CDK8: variants seen among roughly 807,000 people sequenced by gnomAD.
CDK8 encodes the protein cyclin-dependent kinase 8.
A neutral mutation model predicts 71.5 loss-of-function variants in CDK8; 29 were observed. The ratio of observed to expected loss-of-function variants is 0.41; its 90% CI spans 0.30 to 0.55. The LOEUF (loss-of-function observed/expected upper bound fraction) is 0.55, where lower values mean the gene tolerates loss of function less well. Ranked by LOEUF, CDK8 falls within the 20% of genes least tolerant of loss-of-function variation. The pLI, the probability that CDK8 is intolerant of heterozygous loss-of-function variation, is 0.37. For synonymous variants in CDK8, 161 were observed against 192.1 expected (o/e 0.84, Z 1.34); for missense variants, 288 against 572.6 (o/e 0.50, Z 5.07).
intron 2 of CDK8, among the ~76,000 whole-genome samples, chr13:26,342,203 G>A (rs770255810): frequency 5.3e-5 from 8 of 152,160 alleles, no homozygotes; most frequent in Non-Finnish European, 7.4e-5. Context: ...GGCAGCCACC[G>A]CACCCAGCTG....
At chr13:26,313,875 A>G (rs192671365) in intron 1 of CDK8, among the ~76,000 whole-genome samples, 4 of 152,330 alleles carry the variant, frequency 2.6e-5, no homozygotes, top group African/African-American at 9.6e-5. Flanking sequence ...GGGATTTGAT[A>G]GAACTGAATA....
chr13:26,320,053 A>G (rs759262971), intron 1 of CDK8, among the ~76,000 whole-genome samples: 3 of 152,120 alleles, frequency 2.0e-5, no homozygotes, highest in Admixed American at 6.6e-5. Flanking sequence ...GCCTAACACC[A>G]TATACAAAAA....
chr13:26,256,050 G>T (rs1356301284), intron 1 of CDK8, among the ~76,000 whole-genome samples: 4 of 152,180 alleles, frequency 2.6e-5, no homozygotes, highest in Non-Finnish European at 5.9e-5. Flanking sequence ...AGGAAGATAG[G>T]AGTTCTAATT....
At chr13:26,365,725 A>G (rs939790415) in intron 4 of CDK8, among the ~76,000 whole-genome samples, 2 of 152,120 alleles carry the variant, frequency 1.3e-5, no homozygotes, top group Non-Finnish European at 2.9e-5. Context: ...CCATTTTTAT[A>G]AACAAAATAT....
At chr13:26,352,071 C>T (rs1023221616) in intron 3 of CDK8, among the ~76,000 whole-genome samples, 2 of 151,476 alleles carry the variant, frequency 1.3e-5, no homozygotes, top group African/African-American at 2.4e-5. Flanking sequence ...CTTACCTCTC[C>T]TACATATTTG....
rs370559954 is a variant in CDK8 at position 26,366,332 on chromosome 13, A to G, written c.456+12452A>G. Among the ~76,000 whole-genome samples the G allele has an allele frequency of 2.0e-4, 31 of 152,250 alleles. No individual in the cohort carries two copies. The East Asian group carries it at 4.8e-3, about 24-fold the overall frequency. ...AAAATCAGTTCAACCCAGAAGTTCA[A>G]GTTCTTGTGTACATTTTTATAAATT... On this transcript the variant is annotated intron_variant, in intron 4 of 12. Transcript: ENST00000381527.
At position 26,254,775 on chromosome 13, in the gene CDK8, T is replaced by C. The variant is rs1472119750; in HGVS notation, c.128+6T>C. The C allele has an allele frequency of 6.2e-7, 1 of 1,610,560 alleles. No individual in the cohort carries two copies. The highest frequency in any genetic ancestry group is 1.7e-5 in the Admixed American group (1 of 59,872). On this transcript the variant is annotated splice_donor_region_variant and intron_variant, in intron 1 of 12. Coordinates refer to ENST00000381527, the MANE Select transcript of CDK8 (RefSeq NM_001260.3). The surrounding 1 kb of genome is among the most constrained non-coding windows in gnomAD (Gnocchi z 6.7). ...AAAGCCAAGAGGAAAGATGGGTGAG[T>C]GTGTGTGTCTGGGCCGGTGTCCGCG...
At chr13:26,363,904 A>G (rs183664382) in intron 4 of CDK8, among the ~76,000 whole-genome samples, 4 of 152,316 alleles carry the variant, frequency 2.6e-5, no homozygotes, top group Admixed American at 6.5e-5. Flanking sequence ...AGCATGATGA[A>G]TTATTAAGGC....
At chr13:26,270,660 T>G (rs966864323) in intron 1 of CDK8, among the ~76,000 whole-genome samples, 3 of 152,186 alleles carry the variant, frequency 2.0e-5, no homozygotes, top group African/African-American at 7.2e-5. Context: ...TGTGACTGAC[T>G]TCCTTCACTT....
At chr13:26,340,724 G>T (rs1284744317) in intron 2 of CDK8, among the ~76,000 whole-genome samples, 2 of 152,142 alleles carry the variant, frequency 1.3e-5, no homozygotes, top group Middle Eastern at 6.8e-3. Flanking sequence ...ATGTAATTAC[G>T]AGGGGGTTCT....
intron 1 of CDK8, among the ~76,000 whole-genome samples, chr13:26,311,329 C>G (rs1874275839): frequency 6.8e-6 from 1 of 147,462 alleles, no homozygotes; most frequent in Non-Finnish European, 1.5e-5. Flanking sequence ...ACTTCTTTCT[C>G]TTTTCTTTCT....
chr13:26,356,591 T>A (rs1250168506), intron 4 of CDK8, among the ~76,000 whole-genome samples: 1 of 152,120 alleles, frequency 6.6e-6, no homozygotes, highest in African/African-American at 2.4e-5. Flanking sequence ...TGAAGAAAAA[T>A]CTCATTTACC....
At chr13:26,279,929 G>A (rs1177146149) in intron 1 of CDK8, among the ~76,000 whole-genome samples, 4 of 151,938 alleles carry the variant, frequency 2.6e-5, no homozygotes, top group Non-Finnish European at 5.9e-5. Context: ...CACATTGATC[G>A]TATGCTAAAA....
intron 1 of CDK8, among the ~76,000 whole-genome samples, chr13:26,301,171 G>A (rs986294248): frequency 1.4e-5 from 2 of 147,714 alleles, no homozygotes; most frequent in African/African-American, 5.0e-5. Flanking sequence ...TCTGAGCCTT[G>A]AATGGGGTTC....
intron 4 of CDK8, among the ~76,000 whole-genome samples, chr13:26,363,519 C>G (rs1593290046): frequency 6.6e-6 from 1 of 150,804 alleles, no homozygotes; most frequent in East Asian, 1.9e-4. Context: ...AAAAAATAAG[C>G]TTTTTTTTGT....
At position 26,293,208 on chromosome 13, in the gene CDK8, T is replaced by C. The variant is rs139994123; in HGVS notation, c.128+38439T>C. ...TTTTATTTCTGCTTTCATATGTATA[T>C]ATAATTTGTCATCTGAATGTTCTTT... On this transcript the variant is annotated intron_variant, in intron 1 of 12. Transcript: ENST00000381527. Among the ~76,000 whole-genome samples the C allele has an allele frequency of 5.9e-3, 903 of 152,350 alleles. 10 individuals carry two copies. Among genetic ancestry groups the C allele is most frequent in the African/African-American group, 0.021 (855 of 41,586 alleles).
intron 4 of CDK8, among the ~76,000 whole-genome samples, chr13:26,363,058 A>C (rs1874220397): frequency 6.6e-6 from 1 of 150,506 alleles, no homozygotes; most frequent in African/African-American, 2.4e-5. Flanking sequence ...AGTATTTCTC[A>C]CGCCTGTAAT....
chr13:26,361,152 A>G (rs1874120288), intron 4 of CDK8, among the ~76,000 whole-genome samples: 2 of 152,182 alleles, frequency 1.3e-5, no homozygotes, highest in African/African-American at 4.8e-5. Context: ...ATCATAGTTA[A>G]TATACATCCC....
intron 1 of CDK8, among the ~76,000 whole-genome samples, chr13:26,322,241 A>G (rs1317545306): frequency 5.3e-5 from 8 of 152,176 alleles, no homozygotes; most frequent in African/African-American, 1.7e-4. Flanking sequence ...TTATAAATTT[A>G]TTAGAGTAAT....
Sources: allele counts gnomAD v4.1 joint callset (sites outside exome capture counted in the v4.1 genomes callset), GRCh38; gene constraint gnomAD v4.1.1; non-coding constraint Gnocchi (gnomAD v3.1); transcripts MANE v1.5; gene names NCBI Gene and HGNC (gene_info 2026-07-23, HGNC 2026-07-21).